CNTNAP2: variants seen among roughly 807,000 people sequenced by gnomAD.
CNTNAP2 encodes contactin associated protein 2.
CNTNAP2 carries 98 observed loss-of-function variants against 155.2 expected under a neutral mutation model. The observed-to-expected ratio is 0.63, with a 90% CI of 0.54 to 0.75. The LOEUF (loss-of-function observed/expected upper bound fraction) is 0.75. Ranked by LOEUF, CNTNAP2 falls within the 30% of genes least tolerant of loss-of-function variation. The probability of loss-of-function intolerance (pLI) is 0.00; values close to 1 mark genes in which losing one functional copy is unlikely to be tolerated. For missense variants in CNTNAP2, 1,727 were observed against 1,688.1 expected (o/e 1.02, Z -0.40); for synonymous variants, 651 against 631.2 (o/e 1.03, Z -0.47).
chr7:146,685,892 T>C (rs910469477), intron 1 of CNTNAP2, among the ~76,000 whole-genome samples: 7 of 152,222 alleles, frequency 4.6e-5, no homozygotes, highest in East Asian at 1.9e-4. Flanking sequence ...TCTATATCTC[T>C]ACAGTTATGT....
chr7:147,745,662 A>C (rs1010169973), intron 13 of CNTNAP2, among the ~76,000 whole-genome samples: 2 of 152,342 alleles, frequency 1.3e-5, no homozygotes, highest in Admixed American at 1.3e-4. Flanking sequence ...GAGAAATGTG[A>C]CTATAATGAA....
chr7:146,823,480 C>G (rs1445922838), intron 2 of CNTNAP2, among the ~76,000 whole-genome samples: 1 of 129,598 alleles, frequency 7.7e-6, no homozygotes, highest in Non-Finnish European at 1.6e-5. Context: ...TGGAAATATA[C>G]TCATTCTTCA....
intron 9 of CNTNAP2, among the ~76,000 whole-genome samples, chr7:147,351,735 G>A (rs557573971): frequency 6.6e-6 from 1 of 151,870 alleles, no homozygotes; most frequent in East Asian, 1.9e-4. Flanking sequence ...CTCCAAGCAA[G>A]CGTCTCAGAG....
intron 13 of CNTNAP2, among the ~76,000 whole-genome samples, chr7:147,736,307 C>A (rs2116476439): frequency 6.6e-6 from 1 of 152,170 alleles, no homozygotes; most frequent in South Asian, 2.1e-4. Flanking sequence ...ATGTGAAATT[C>A]TGGGTTGAAA....
intron 3 of CNTNAP2, among the ~76,000 whole-genome samples, chr7:146,929,551 C>T (rs543517322): frequency 1.3e-3 from 198 of 152,282 alleles, no homozygotes; most frequent in South Asian, 3.5e-3. Context: ...TCCAAAGGCA[C>T]GCAGTTCCTC....
intron 13 of CNTNAP2, among the ~76,000 whole-genome samples, chr7:147,647,030 G>A (rs1001901521): frequency 2.6e-5 from 4 of 151,612 alleles, no homozygotes; most frequent in African/African-American, 7.3e-5. Context: ...CACCAGGCTG[G>A]AGTGCAGTGG....
chr7:146,999,623 C>G (rs1798383789), intron 3 of CNTNAP2, among the ~76,000 whole-genome samples: 1 of 151,888 alleles, frequency 6.6e-6, no homozygotes, highest in African/African-American at 2.4e-5. Flanking sequence ...ATTTATTTAT[C>G]TTATTTCTGA....
chr7:146,703,010 C>T (rs548259050), intron 1 of CNTNAP2, among the ~76,000 whole-genome samples: 1 of 152,074 alleles, frequency 6.6e-6, no homozygotes, highest in South Asian at 2.1e-4. Flanking sequence ...CCCAAGGGAT[C>T]CTTAAAAACA....
chr7:147,763,044 A>C (rs1439650892), intron 13 of CNTNAP2, among the ~76,000 whole-genome samples: 1 of 152,076 alleles, frequency 6.6e-6, no homozygotes, highest in Non-Finnish European at 1.5e-5. Context: ...AGATCACCTG[A>C]AGTCGGGAGT....
In CNTNAP2 at chr7:146,814,728, C is replaced by A. The variant is rs192207756; in HGVS notation, c.209-24983C>A. On this transcript the variant is annotated intron_variant, in intron 2 of 23. Coordinates refer to ENST00000361727, the MANE Select transcript of CNTNAP2 (RefSeq NM_014141.6). ...GGATGCTACGGGGCATGAGCTTTAG[C>A]CATACTCATTAACTTTGATACCCCA... is the stretch of plus-strand genomic sequence containing the variant. Among the ~76,000 whole-genome samples the A allele has an allele frequency of 4.3e-3, 648 of 152,082 alleles. 4 individuals are homozygous for A. The highest frequency in any genetic ancestry group is 0.021 in the South Asian group (100 of 4,820).
At chr7:147,151,326 C>T (rs1020593636) in intron 8 of CNTNAP2, among the ~76,000 whole-genome samples, 6 of 151,760 alleles carry the variant, frequency 4.0e-5, no homozygotes, top group Admixed American at 6.6e-5. Flanking sequence ...ACTGGTGTAA[C>T]GGGAATGATA....
chr7:147,992,113 G>GA (rs1801720886), intron 15 of CNTNAP2, among the ~76,000 whole-genome samples: 1 of 4,264 alleles, frequency 2.3e-4, no homozygotes, highest in Non-Finnish European at 5.3e-4. Flanking sequence ...TTTTTTTTTT[G>GA]AGACAGAGTC....
At chr7:148,108,430 G>A (rs1213709049) in intron 15 of CNTNAP2, among the ~76,000 whole-genome samples, 1 of 152,104 alleles carries the variant, frequency 6.6e-6, no homozygotes, top group Non-Finnish European at 1.5e-5. Context: ...TAGTGAGGGA[G>A]CAGAGGAAGG....
chr7:146,203,785 C>A (rs1385162708), intron 1 of CNTNAP2, among the ~76,000 whole-genome samples: 2 of 152,054 alleles, frequency 1.3e-5, no homozygotes, highest in Non-Finnish European at 2.9e-5. Context: ...AACTCAGTAG[C>A]ATACAGAATT....
At chr7:147,903,115 C>T (rs1296000438) in intron 13 of CNTNAP2, among the ~76,000 whole-genome samples, 2 of 152,136 alleles carry the variant, frequency 1.3e-5, no homozygotes, top group African/African-American at 4.8e-5. Context: ...GTTCCCCTTT[C>T]ACCACATTCA....
chr7:146,296,958 CTGTGTG>C lies in CNTNAP2; in HGVS notation c.97+180001_97+180006del, dbSNP rs141424842. On this transcript the variant is annotated intron_variant, in intron 1 of 23. Coordinates refer to ENST00000361727, the MANE Select transcript of CNTNAP2 (RefSeq NM_014141.6). The stretch of plus-strand genomic sequence containing the variant: ...GTATAAAGATTAAAGCAGGTATTAT[CTGTGTG>C]TGTGTGTGTGTGTGTTTCTGTGTGT... 5.0e-4 allele frequency among the ~76,000 whole-genome samples: 75 copies of C among 149,382 alleles called. No individual in the cohort carries two copies. The South Asian group carries it at 0.012, about 25-fold the overall frequency.
intron 9 of CNTNAP2, among the ~76,000 whole-genome samples, chr7:147,307,552 C>G (rs924385076): frequency 6.6e-6 from 1 of 152,050 alleles, no homozygotes; most frequent in Non-Finnish European, 1.5e-5. Flanking sequence ...CCACTGCACT[C>G]CAGCCTGGGT....
chr7:147,897,205 G>A (rs1017514227), intron 13 of CNTNAP2: 1 of 152,136 alleles, frequency 6.6e-6, no homozygotes, highest in African/African-American at 2.4e-5. Context: ...AGAATACTGG[G>A]CCACACACAG....
At chr7:147,952,240 T>C (rs7778855) in intron 14 of CNTNAP2, among the ~76,000 whole-genome samples, 22,285 of 36,692 alleles carry the variant, frequency 0.61, 8,519 homozygotes, top group East Asian at 0.81. Flanking sequence ...GTTGGGAGTT[T>C]GAGACCAGCC....
Sources: allele counts gnomAD v4.1 joint callset (sites outside exome capture counted in the v4.1 genomes callset), GRCh38; gene constraint gnomAD v4.1.1; transcripts MANE v1.5; gene names NCBI Gene and HGNC (gene_info 2026-07-23, HGNC 2026-07-21).